The following ECPAS variants were observed in gnomAD, a reference collection of about 807,000 sequenced individuals.
ECPAS encodes Ecm29 proteasome adaptor and scaffold.
ECPAS carries 70 observed loss-of-function variants against 255.1 expected under a neutral mutation model. That is an observed-to-expected ratio of 0.27 (90% CI 0.23 to 0.33). The LOEUF (loss-of-function observed/expected upper bound fraction) is 0.33, where lower values mean the gene tolerates loss of function less well. ECPAS is among the 10% of genes least tolerant of loss of function. ECPAS has a pLI of 1.00. For missense variants in ECPAS, 1,817 were observed against 2,206.4 expected, an observed-to-expected ratio of 0.82 and a Z score of 3.54; for synonymous variants, 784 against 775.0, an observed-to-expected ratio of 1.01 and a Z score of -0.19.
intron 5 of ECPAS, among the ~76,000 whole-genome samples, chr9:111,440,891 G>A (rs919816711): frequency 3.3e-5 from 5 of 152,214 alleles, no homozygotes; most frequent in South Asian, 2.1e-4. Context: ...CAGGCTGGGC[G>A]CGGTGGCTCA....
chr9:111,371,644 C>T lies in ECPAS; in HGVS notation c.4714G>A (p.Ala1572Thr). Residue 1572 changes from alanine (A) to threonine (T), a missense_variant, in exon 43 of 50, where the codon GCT becomes ACT. Coordinates refer to ENST00000684092, the MANE Select transcript of ECPAS (RefSeq NM_001364929.1). Reference sequence around the variant, plus strand: ...ACCTTTCCTGCCCACGTTCTTCCAGCCAGGCCTTGCAGCAATGCGGTCAGT... The same window carrying T: ...ACCTTTCCTGCCCACGTTCTTCCAGTCAGGCCTTGCAGCAATGCGGTCAGT... Reference protein sequence around the residue: ...MILTALLQGLAGRTWAGKEEL... With the variant: ...MILTALLQGLTGRTWAGKEEL... 6.2e-7 allele frequency: 1 copy of T among 1,613,790 alleles called. No individual in the cohort carries two copies. The highest frequency in any genetic ancestry group is 8.5e-7 in the Non-Finnish European group (1 of 1,179,770).
intron 24 of ECPAS, among the ~76,000 whole-genome samples, chr9:111,405,820 A>T (rs533429040): frequency 1.3e-5 from 2 of 149,848 alleles, no homozygotes; most frequent in Admixed American, 1.3e-4. Flanking sequence ...ATAGAAATAC[A>T]GAGAAAAACC....
chr9:111,396,193 A>T (rs1022135125), intron 25 of ECPAS, among the ~76,000 whole-genome samples: 5 of 151,818 alleles, frequency 3.3e-5, no homozygotes, highest in African/African-American at 9.7e-5. Flanking sequence ...TTCTGTTTAA[A>T]TTTTTTTTTA....
chr9:111,474,558 C>G (rs1029072445), intron 1 of ECPAS, among the ~76,000 whole-genome samples: 1 of 152,130 alleles, frequency 6.6e-6, no homozygotes, highest in South Asian at 2.1e-4. Flanking sequence ...ACCTGTTACC[C>G]GTACAAAACA....
intron 33 of ECPAS, 120 bp from the exon 34 acceptor site, chr9:111,384,689 A>G (rs918508164): frequency 4.8e-6 from 4 of 836,962 alleles, no homozygotes; most frequent in Non-Finnish European, 7.8e-6. Flanking sequence ...CTTACATTTC[A>G]TATCATGTTA....
intron 3 of ECPAS, among the ~76,000 whole-genome samples, chr9:111,447,142 C>T (rs76929625): frequency 4.8e-4 from 72 of 150,230 alleles, no homozygotes; most frequent in Admixed American, 1.1e-3. Flanking sequence ...TTTTTTTTTC[C>T]GAGACAGGGT....
intron 31 of ECPAS, among the ~76,000 whole-genome samples, chr9:111,389,050 C>T (rs2098155173): frequency 6.6e-6 from 1 of 152,178 alleles, no homozygotes; most frequent in Admixed American, 6.5e-5. Flanking sequence ...TGCCTTGGAA[C>T]TGATTGATAT....
intron 1 of ECPAS, among the ~76,000 whole-genome samples, chr9:111,483,010 G>A (rs2098308759): frequency 6.6e-6 from 1 of 152,212 alleles, no homozygotes; most frequent in Admixed American, 6.5e-5. Flanking sequence ...CTCCATCTGA[G>A]GGTCACCGCC....
chr9:111,480,886 C>T (rs2098303808), intron 1 of ECPAS, among the ~76,000 whole-genome samples: 2 of 152,216 alleles, frequency 1.3e-5, no homozygotes, highest in Admixed American at 1.3e-4. Context: ...AATCCCTTAA[C>T]TATCAGCATC....
At chr9:111,461,619 G>A (rs1349843741) in intron 2 of ECPAS, among the ~76,000 whole-genome samples, 1 of 152,212 alleles carries the variant, frequency 6.6e-6, no homozygotes, top group African/African-American at 2.4e-5. Context: ...GCAATGTAGT[G>A]AGTAAATGAT....
At chr9:111,477,605 A>G (rs1308012357) in intron 1 of ECPAS, among the ~76,000 whole-genome samples, 3 of 152,190 alleles carry the variant, frequency 2.0e-5, no homozygotes, top group African/African-American at 7.2e-5. Flanking sequence ...CAGTAGTAGT[A>G]GGGCAGAATT....
At chr9:111,466,656 C>CA (rs1554802518) in intron 2 of ECPAS, among the ~76,000 whole-genome samples, 1 of 147,128 alleles carries the variant, frequency 6.8e-6, no homozygotes, top group Non-Finnish European at 1.5e-5. Context: ...CACACACACA[C>CA]GTTTTTATTT....
chr9:111,373,156 A>G lies in ECPAS; in HGVS notation c.4336+14T>C. Reference sequence around the variant, plus strand: ...CTAAATTTAAAATGACATAAAATAGAAAAAGAAAGGTACCTTCTTTCTCCA... The same window carrying G: ...CTAAATTTAAAATGACATAAAATAGGAAAAGAAAGGTACCTTCTTTCTCCA... On this transcript the variant is annotated intron_variant, in intron 41 of 49. Transcript: ENST00000684092. The G allele has an allele frequency of 6.2e-7, 1 of 1,605,492 alleles. No individual in the cohort carries two copies. Among genetic ancestry groups the G allele is most frequent in the Non-Finnish European group, 8.5e-7 (1 of 1,172,254 alleles).
intron 1 of ECPAS, among the ~76,000 whole-genome samples, chr9:111,483,157 C>T (rs1216869074): frequency 6.6e-6 from 1 of 152,126 alleles, no homozygotes; most frequent in Non-Finnish European, 1.5e-5. Flanking sequence ...CGGGCGGACA[C>T]TGCCCGTCAC....
In ECPAS at chr9:111,422,125, T is replaced by G; in HGVS notation, c.1332+9A>C. On this transcript the variant is annotated intron_variant, in intron 14 of 49. Coordinates refer to ENST00000684092, the MANE Select transcript of ECPAS (RefSeq NM_001364929.1). ...ACACAAAGCATAAACTTAGCAGCTG[T>G]TTCCCTACCTTGCAAAGGGCTTCAA... 4 of 1,613,846 alleles carry G rather than the reference T, an allele frequency of 2.5e-6. No individual in the cohort carries two copies. In the South Asian group the frequency reaches 4.4e-5, roughly 18 times the overall value.
intron 35 of ECPAS, among the ~76,000 whole-genome samples, chr9:111,381,132 T>C (rs965794635): frequency 2.0e-5 from 3 of 152,256 alleles, no homozygotes; most frequent in East Asian, 3.8e-4. Context: ...TCAGCTTTCA[T>C]GACATCCCTT....
chr9:111,364,528 G>A (rs1304227914), intron 48 of ECPAS, among the ~76,000 whole-genome samples: 1 of 152,202 alleles, frequency 6.6e-6, no homozygotes, highest in African/African-American at 2.4e-5. Flanking sequence ...ATCAAATGGT[G>A]AATGTGGACA....
At chr9:111,468,921 C>G (rs1413599040) in intron 2 of ECPAS, among the ~76,000 whole-genome samples, 1 of 152,066 alleles carries the variant, frequency 6.6e-6, no homozygotes, top group Non-Finnish European at 1.5e-5. Flanking sequence ...GTGTGTAATA[C>G]TAGTATTTTC....
intron 12 of ECPAS, among the ~76,000 whole-genome samples, chr9:111,424,218 C>A (rs1234868728): frequency 6.6e-6 from 1 of 152,206 alleles, no homozygotes; most frequent in Non-Finnish European, 1.5e-5. Context: ...CACAGCTGCA[C>A]AGTAAATAAA....
Sources: allele counts gnomAD v4.1 joint callset (sites outside exome capture counted in the v4.1 genomes callset), GRCh38; gene constraint gnomAD v4.1.1; transcripts MANE v1.5; gene names NCBI Gene and HGNC (gene_info 2026-07-23, HGNC 2026-07-21).